Variants in AEBP2 observed in about 807,000 individuals in gnomAD.
AEBP2 encodes zinc finger protein AEBP2.
A neutral mutation model predicts 50.8 loss-of-function variants in AEBP2; 10 were observed. That is an observed-to-expected ratio of 0.20 (90% CI 0.12 to 0.33). AEBP2 has a LOEUF of 0.33. Among genes scored for constraint, AEBP2 ranks in the 10% least tolerant of loss-of-function variants. The probability of loss-of-function intolerance (pLI) is 1.00; values close to 1 mark genes in which losing one functional copy is unlikely to be tolerated. For missense variants in AEBP2, 570 were observed against 688.0 expected, an observed-to-expected ratio of 0.83 and a Z score of 1.92; for synonymous variants, 296 against 261.3, an observed-to-expected ratio of 1.13 and a Z score of -1.28.
intron 1 of AEBP2, 183 bp downstream of exon 1, chr12:19,440,553 G>C: frequency 7.2e-7 from 1 of 1,385,066 alleles, no homozygotes; most frequent in East Asian, 2.7e-5. Context: ...GCGCATCGCG[G>C]CTTCCAACTC....
intron 1 of AEBP2, among the ~76,000 whole-genome samples, chr12:19,458,478 A>C (rs1487441364): frequency 6.6e-6 from 1 of 152,206 alleles, no homozygotes. Context: ...GTGGTAGGCA[A>C]AGCTCATGCT....
intron 6 of AEBP2, among the ~76,000 whole-genome samples, chr12:19,513,951 T>C (rs1246831387): frequency 1.3e-5 from 2 of 151,576 alleles, no homozygotes; most frequent in Non-Finnish European, 2.9e-5. Flanking sequence ...ATTTCTTTTT[T>C]TTTTTTTTAA....
chr12:19,505,496 A>G (rs549734011), intron 5 of AEBP2, among the ~76,000 whole-genome samples: 23 of 152,380 alleles, frequency 1.5e-4, no homozygotes, highest in Admixed American at 1.4e-3. Flanking sequence ...GTAAAATTGT[A>G]AAAACTTGTA....
intron 3 of AEBP2, among the ~76,000 whole-genome samples, chr12:19,474,241 A>G (rs1016356561): frequency 2.6e-5 from 4 of 152,200 alleles, no homozygotes; most frequent in East Asian, 1.9e-4. Flanking sequence ...TTTGGTTTCT[A>G]TTTATGGAAA....
intron 3 of AEBP2, among the ~76,000 whole-genome samples, chr12:19,478,340 G>T (rs1232077571): frequency 1.3e-5 from 2 of 152,114 alleles, no homozygotes; most frequent in Non-Finnish European, 2.9e-5. Context: ...CTGTCGCCCA[G>T]GCTGGAGTGC....
At chr12:19,509,213 G>T (rs191679742) in intron 5 of AEBP2, 1 of 371,170 alleles carries the variant, frequency 2.7e-6, no homozygotes, top group Non-Finnish European at 5.2e-6. Context: ...GAAAATTGGG[G>T]TGTAAGTGTT....
At chr12:19,493,619 A>G (rs1469960431) in intron 3 of AEBP2, among the ~76,000 whole-genome samples, 181 bp from the exon 4 acceptor site, 1 of 152,136 alleles carries the variant, frequency 6.6e-6, no homozygotes. Flanking sequence ...AATGTATGTC[A>G]TCTTACTTGG....
At chr12:19,432,766 G>A (rs1457005047) in intron 1 of AEBP2, among the ~76,000 whole-genome samples, 1 of 152,112 alleles carries the variant, frequency 6.6e-6, no homozygotes, top group African/African-American at 2.4e-5. Flanking sequence ...TAGAATAGCA[G>A]AGCAGAGGAA....
intron 1 of AEBP2, among the ~76,000 whole-genome samples, chr12:19,432,665 G>A (rs1385381158): frequency 2.6e-5 from 4 of 152,136 alleles, no homozygotes; most frequent in African/African-American, 9.7e-5. Context: ...CTGCACTCCA[G>A]CCTGGGCAAC....
At chr12:19,488,778 G>A (rs1948853137) in intron 3 of AEBP2, among the ~76,000 whole-genome samples, 1 of 152,090 alleles carries the variant, frequency 6.6e-6, no homozygotes, top group Non-Finnish European at 1.5e-5. Flanking sequence ...TTTTAGAAAA[G>A]CTACTTGGCC....
chr12:19,420,421 C>T (rs2095745050), intron 1 of AEBP2, among the ~76,000 whole-genome samples: 1 of 144,832 alleles, frequency 6.9e-6, no homozygotes, highest in African/African-American at 2.6e-5. Context: ...ACAGTCTCTA[C>T]CTCCCGGGTT....
At position 19,439,792 on chromosome 12, in the gene AEBP2, C is replaced by T. The variant is rs1947910557; in HGVS notation, c.93C>T (p.Gly31=). The T allele has an allele frequency of 1.3e-6, 2 of 1,512,262 alleles. No homozygotes were observed. Among genetic ancestry groups the T allele is most frequent in the South Asian group, 2.4e-5 (2 of 82,796 alleles). The allele number at this position is 1,512,262 out of a possible 1,614,324, so 93.7% of individuals were successfully genotyped here. ...PPGSPGSAAR[G]RAEPPEEEEE... is the part of the protein sequence containing the mutation. ...GCAGCCCGGGTTCGGCGGCGCGGGG[C>T]CGGGCTGAGCCCCCCGAGGAGGAGG... is the stretch of plus-strand genomic sequence containing the variant. The change falls in exon 1 of 8, where the codon GGC becomes GGT. Residue 31 remains glycine, a synonymous_variant. Coordinates refer to ENST00000266508, the MANE Select transcript of AEBP2 (RefSeq NM_153207.5).
At chr12:19,417,495 C>T (rs1381817835) in intron 1 of AEBP2, among the ~76,000 whole-genome samples, 2 of 151,486 alleles carry the variant, frequency 1.3e-5, no homozygotes, top group East Asian at 3.9e-4. Flanking sequence ...CAACCTCCGC[C>T]TCCCGGGCTC....
intron 1 of AEBP2, among the ~76,000 whole-genome samples, chr12:19,409,378 T>C (rs1475388407): frequency 6.6e-6 from 1 of 151,924 alleles, no homozygotes; most frequent in Non-Finnish European, 1.5e-5. Context: ...CCTATTGCAT[T>C]ATCCTACATA....
intron 2 of AEBP2, among the ~76,000 whole-genome samples, chr12:19,466,329 G>A (rs1948473303): frequency 6.6e-6 from 1 of 152,042 alleles, no homozygotes; most frequent in Non-Finnish European, 1.5e-5. Flanking sequence ...AGTGGCACAC[G>A]CCTGTGGTCT....
chr12:19,499,691 C>T (rs1464721972), intron 4 of AEBP2, among the ~76,000 whole-genome samples: 1 of 150,596 alleles, frequency 6.6e-6, no homozygotes, highest in Non-Finnish European at 1.5e-5. Flanking sequence ...CATGGTAACA[C>T]AAAATGTTCA....
intron 1 of AEBP2, chr12:19,440,857 T>C: frequency 8.5e-7 from 1 of 1,171,906 alleles, no homozygotes; most frequent in Non-Finnish European, 1.2e-6. Flanking sequence ...GCTATCACTT[T>C]TCTCTACTTA....
intron 4 of AEBP2, among the ~76,000 whole-genome samples, chr12:19,497,775 C>T (rs1033454552): frequency 6.6e-6 from 1 of 152,060 alleles, no homozygotes; most frequent in African/African-American, 2.4e-5. Flanking sequence ...GTGTCCAGCA[C>T]CAAAGGTTTT....
At position 19,499,614 on chromosome 12, in the gene AEBP2, T is replaced by TAAA. The variant is rs374307323; in HGVS notation, c.1175-483_1175-482insAAA. On this transcript the variant is annotated intron_variant, in intron 4 of 7. Transcript: ENST00000266508. ...GGGTGAAGGAGTGAGACTCTGTCTC[T>TAAA]TAAAAAAAAAAAAAAAAACCTCAAA... Among the ~76,000 whole-genome samples the TAAA allele has an allele frequency of 3.5e-3, 388 of 112,136 alleles. 7 individuals carry two copies. Among genetic ancestry groups the TAAA allele is most frequent in the Middle Eastern group, 0.011 (2 of 184 alleles). The allele number at this position is 112,136 out of a possible 152,430, so 73.6% of individuals were successfully genotyped here. A position where few individuals can be genotyped will look rare whatever the true frequency, so the allele number is the denominator to read the frequency against.
Sources: allele counts gnomAD v4.1 joint callset (sites outside exome capture counted in the v4.1 genomes callset), GRCh38; gene constraint gnomAD v4.1.1; transcripts MANE v1.5; gene names NCBI Gene and HGNC (gene_info 2026-07-23, HGNC 2026-07-21).